The following TAOK3 variants were observed in gnomAD, a reference collection of about 807,000 sequenced individuals.
TAOK3 encodes the protein serine/threonine-protein kinase TAO3.
A neutral mutation model predicts 120.4 loss-of-function variants in TAOK3; 40 were observed. That is an observed-to-expected ratio of 0.33 (90% CI 0.26 to 0.43). The LOEUF is 0.43. TAOK3 is among the 20% of genes least tolerant of loss of function. The pLI, the probability that TAOK3 is intolerant of heterozygous loss-of-function variation, is 1.00. For missense variants in TAOK3, 821 were observed against 1,112.1 expected (o/e 0.74, Z 3.72); for synonymous variants, 355 against 387.5 (o/e 0.92, Z 0.99).
intron 7 of TAOK3, among the ~76,000 whole-genome samples, chr12:118,236,877 C>A (rs1018189643): frequency 1.3e-5 from 2 of 151,914 alleles, no homozygotes; most frequent in African/African-American, 4.8e-5. Context: ...AATTATTTTA[C>A]ATACTAAAGA....
At chr12:118,249,076 T>C (rs140071705) in intron 3 of TAOK3, among the ~76,000 whole-genome samples, 1 of 152,310 alleles carries the variant, frequency 6.6e-6, no homozygotes, top group Non-Finnish European at 1.5e-5. Flanking sequence ...GCCTCTATCA[T>C]TTCAAGTTTT....
intron 1 of TAOK3, among the ~76,000 whole-genome samples, chr12:118,363,035 A>AG (rs2045647026): frequency 6.6e-6 from 1 of 150,642 alleles, no homozygotes; most frequent in Admixed American, 6.6e-5. Context: ...AAAAAAAAAA[A>AG]AAAAAAAAAG....
chr12:118,232,046 C>A (rs1435128698), intron 9 of TAOK3, among the ~76,000 whole-genome samples: 1 of 152,118 alleles, frequency 6.6e-6, no homozygotes, highest in Non-Finnish European at 1.5e-5. Flanking sequence ...CTGTAGCTAG[C>A]ACATACTGGC....
intron 1 of TAOK3, among the ~76,000 whole-genome samples, chr12:118,287,401 C>T (rs545082011): frequency 5.3e-5 from 8 of 152,184 alleles, no homozygotes; most frequent in Non-Finnish European, 8.8e-5. Context: ...TACAGATGCA[C>T]ACCACCATGC....
At chr12:118,167,699 T>C (rs1292520754) in intron 17 of TAOK3, among the ~76,000 whole-genome samples, 2 of 150,954 alleles carry the variant, frequency 1.3e-5, no homozygotes, top group African/African-American at 4.9e-5. Flanking sequence ...TTTTGCAAAA[T>C]GACTCCCCCT....
At chr12:118,328,031 C>T (rs1381428989) in intron 1 of TAOK3, among the ~76,000 whole-genome samples, 2 of 152,032 alleles carry the variant, frequency 1.3e-5, no homozygotes, top group African/African-American at 4.8e-5. Context: ...CCGTGTTTCC[C>T]CTTTCACGAG....
chr12:118,332,778 T>G (rs1249530505), intron 1 of TAOK3, among the ~76,000 whole-genome samples: 1 of 152,182 alleles, frequency 6.6e-6, no homozygotes, highest in Non-Finnish European at 1.5e-5. Flanking sequence ...TTTATTTAAA[T>G]TAACCATTTG....
intron 1 of TAOK3, among the ~76,000 whole-genome samples, chr12:118,352,976 T>C (rs2045240202): frequency 1.3e-5 from 2 of 152,144 alleles, no homozygotes; most frequent in Non-Finnish European, 2.9e-5. Flanking sequence ...TCCCAAAGTG[T>C]TGGGATTACA....
At chr12:118,210,422 G>C (rs2038561515) in intron 11 of TAOK3, among the ~76,000 whole-genome samples, 1 of 152,072 alleles carries the variant, frequency 6.6e-6, no homozygotes, top group African/African-American at 2.4e-5. Context: ...TTCTGGCTTT[G>C]ACTGTTCCTG....
chr12:118,365,229 C>A (rs1566180483), intron 1 of TAOK3, among the ~76,000 whole-genome samples: 1 of 152,120 alleles, frequency 6.6e-6, no homozygotes, highest in Non-Finnish European at 1.5e-5. Flanking sequence ...GTATCTCTCT[C>A]TCTTTTTTAA....
At chr12:118,177,385 T>C in intron 15 of TAOK3, 56 bp from the exon 16 acceptor site, 2 of 1,543,158 alleles carry the variant, frequency 1.3e-6, no homozygotes, top group Non-Finnish European at 1.8e-6. Flanking sequence ...CAGAATTCAG[T>C]GATCTATATT....
intron 1 of TAOK3, among the ~76,000 whole-genome samples, chr12:118,281,877 T>G (rs968293357): frequency 6.6e-6 from 1 of 152,210 alleles, no homozygotes; most frequent in Non-Finnish European, 1.5e-5. Context: ...TACAATAATT[T>G]CAACAAGTGA....
rs922086520 is a variant in TAOK3, at chr12:118,258,136, T to C, written c.-88-2481A>G. On this transcript the variant is annotated intron_variant, in intron 2 of 20. Coordinates refer to ENST00000392533, the MANE Select transcript of TAOK3 (RefSeq NM_016281.4). ...TTCAATATGAATTGTATGGGAGAGT[T>C]GGAAGGAGAAAACATGAAGCTGGTG... Among the ~76,000 whole-genome samples the C allele has an allele frequency of 3.0e-4, 46 of 152,100 alleles. 2 individuals carry two copies. The highest frequency in any genetic ancestry group is 1.5e-5 in the Non-Finnish European group (1 of 68,004).
At chr12:118,279,379 A>T (rs114315224) in intron 1 of TAOK3, among the ~76,000 whole-genome samples, 43 of 152,008 alleles carry the variant, frequency 2.8e-4, no homozygotes, top group African/African-American at 9.9e-4. Context: ...TAGGATGTTT[A>T]TTCTGTTGAT....
chr12:118,222,274 C>T (rs980638794), intron 9 of TAOK3, among the ~76,000 whole-genome samples: 1 of 152,098 alleles, frequency 6.6e-6, no homozygotes, highest in Non-Finnish European at 1.5e-5. Flanking sequence ...GTGACTCACG[C>T]CTATAATCCC....
In TAOK3 at chr12:118,181,494, C is replaced by T. The variant is rs754292661; in HGVS notation, c.1443G>A (p.Lys481=). Reference sequence around the variant, plus strand: ...GGTGCTCGTCCATCTCAGCCTTCAGCTTGTTCTCCAGGGCGATCAGCTGCT... The same window carrying T: ...GGTGCTCGTCCATCTCAGCCTTCAGTTTGTTCTCCAGGGCGATCAGCTGCT... ...HQKQLIALEN[K]LKAEMDEHRL... is the part of the protein sequence containing the mutation. The change falls in exon 15 of 21, where the codon AAG becomes AAA. Residue 481 remains lysine, a synonymous_variant. Coordinates refer to ENST00000392533, the MANE Select transcript of TAOK3 (RefSeq NM_016281.4). The T allele has an allele frequency of 1.9e-5, 31 of 1,614,234 alleles. 2 individuals are homozygous for T. The South Asian group carries it at 3.4e-4, about 18-fold the overall frequency.
chr12:118,175,451 C>A (rs933060923), intron 16 of TAOK3, among the ~76,000 whole-genome samples: 1 of 151,974 alleles, frequency 6.6e-6, no homozygotes, highest in South Asian at 2.1e-4. Context: ...CATGGTGAAA[C>A]TCTGTTTCTA....
rs773003057 is a variant in TAOK3 at position 118,152,215 on chromosome 12, A to ATGC, written c.2535+9_2535+11dup. 6.2e-7 allele frequency: 1 copy of ATGC among 1,605,668 alleles called. No homozygotes were observed. Among genetic ancestry groups the ATGC allele is most frequent in the Non-Finnish European group, 8.5e-7 (1 of 1,173,132 alleles). ...ACCCAGTGGCACCGGACCCCTGGTA[A>ATGC]TGCTCCCTTACCTTCTGCTCAAGGT... On this transcript the variant is annotated intron_variant, in intron 20 of 20. Coordinates refer to ENST00000392533, the MANE Select transcript of TAOK3 (RefSeq NM_016281.4).
At chr12:118,191,536 T>G (rs1464580423) in intron 13 of TAOK3, among the ~76,000 whole-genome samples, 1 of 152,126 alleles carries the variant, frequency 6.6e-6, no homozygotes, top group Non-Finnish European at 1.5e-5. Flanking sequence ...TTTCAAGCAC[T>G]TAGTAGCCAT....
Sources: allele counts gnomAD v4.1 joint callset (sites outside exome capture counted in the v4.1 genomes callset), GRCh38; gene constraint gnomAD v4.1.1; transcripts MANE v1.5; gene names NCBI Gene and HGNC (gene_info 2026-07-23, HGNC 2026-07-21).